CACNA2D3: variants seen among roughly 807,000 people sequenced by gnomAD.
The protein encoded by CACNA2D3 is calcium voltage-gated channel auxiliary subunit alpha2delta 3, also known as voltage-dependent calcium channel subunit alpha-2/delta-3.
CACNA2D3 carries 60 observed loss-of-function variants against 160.6 expected under a neutral mutation model. That is an observed-to-expected ratio of 0.37 (90% confidence interval 0.30 to 0.46). CACNA2D3 has a LOEUF of 0.46. CACNA2D3 is among the 20% of genes least tolerant of loss of function. The pLI is 1.00. For missense variants in CACNA2D3, 1,205 were observed against 1,365.0 expected (o/e 0.88, Z 1.85); for synonymous variants, 558 against 492.9 (o/e 1.13, Z -1.75).
intron 11 of CACNA2D3, among the ~76,000 whole-genome samples, chr3:54,743,811 A>T (rs1236980438): frequency 6.6e-6 from 1 of 152,168 alleles, no homozygotes; most frequent in Non-Finnish European, 1.5e-5. Context: ...TGAGCCATAA[A>T]AATCCTAGGC....
chr3:54,627,835 T>C lies in CACNA2D3; in HGVS notation c.1012T>C (p.Leu338=), dbSNP rs1699156340. 1 of 1,610,374 alleles carries C rather than the reference T, an allele frequency of 6.2e-7. No individual in the cohort carries two copies. The highest frequency in any genetic ancestry group is 1.1e-5 in the South Asian group (1 of 89,772). ...ACTTTTCGCCAAAGGAATTGGAATG[T>C]TGGATATAGCTCTGAATGAGGCCTT... ...DKLFAKGIGM[L]DIALNEAFNI... is the part of the protein sequence containing the mutation. The change falls in exon 10 of 38, where the codon TTG becomes CTG. Residue 338 remains leucine (L), a synonymous_variant. Coordinates refer to ENST00000474759, the MANE Select transcript of CACNA2D3 (RefSeq NM_018398.3).
intron 4 of CACNA2D3, among the ~76,000 whole-genome samples, chr3:54,490,062 A>C (rs1040022435): frequency 3.3e-5 from 5 of 152,234 alleles, no homozygotes; most frequent in African/African-American, 9.6e-5. Flanking sequence ...TGTTTGGCTC[A>C]TGTAGAACTA....
intron 3 of CACNA2D3, among the ~76,000 whole-genome samples, chr3:54,346,047 TG>T (rs1428258582): frequency 8.6e-6 from 1 of 116,164 alleles, no homozygotes; most frequent in East Asian, 2.6e-4. Flanking sequence ...GGAGGAGGGT[TG>T]AAAAACAAAG....
intron 9 of CACNA2D3, among the ~76,000 whole-genome samples, chr3:54,603,169 G>C (rs574269542): frequency 2.4e-4 from 37 of 152,322 alleles, no homozygotes; most frequent in South Asian, 1.7e-3. Flanking sequence ...CAATTAGGAA[G>C]CTGGACTCAG....
intron 35 of CACNA2D3, among the ~76,000 whole-genome samples, chr3:55,056,452 G>A (rs781026429): frequency 1.3e-5 from 2 of 152,200 alleles, no homozygotes; most frequent in African/African-American, 2.4e-5. Context: ...TCCTACTTCC[G>A]GGTATTTACC....
intron 5 of CACNA2D3, among the ~76,000 whole-genome samples, chr3:54,535,784 C>T (rs1173813566): frequency 6.6e-6 from 1 of 152,172 alleles, no homozygotes; most frequent in African/African-American, 2.4e-5. Context: ...GACATATTGT[C>T]CAACTAAAAG....
chr3:54,332,841 G>A (rs1704294955), intron 3 of CACNA2D3, among the ~76,000 whole-genome samples: 1 of 152,108 alleles, frequency 6.6e-6, no homozygotes, highest in Non-Finnish European at 1.5e-5. Context: ...ATCAGCCTGG[G>A]GTCTTTGGGT....
intron 10 of CACNA2D3, among the ~76,000 whole-genome samples, chr3:54,640,685 A>G (rs1699498859): frequency 6.6e-6 from 1 of 152,214 alleles, no homozygotes; most frequent in Non-Finnish European, 1.5e-5. Context: ...CCAACAATAT[A>G]AATTTGAAAT....
At chr3:54,256,202 T>C (rs969825977) in intron 2 of CACNA2D3, among the ~76,000 whole-genome samples, 1 of 152,146 alleles carries the variant, frequency 6.6e-6, no homozygotes, top group African/African-American at 2.4e-5. Flanking sequence ...TGTGGTGTGG[T>C]CAAAAGTGCT....
intron 2 of CACNA2D3, among the ~76,000 whole-genome samples, chr3:54,165,974 C>T (rs1032040435): frequency 6.6e-6 from 1 of 152,074 alleles, no homozygotes; most frequent in Non-Finnish European, 1.5e-5. Flanking sequence ...GTGTGCCATC[C>T]AGAGAAAGGA....
At chr3:54,448,826 A>T (rs1007824536) in intron 4 of CACNA2D3, among the ~76,000 whole-genome samples, 1 of 152,172 alleles carries the variant, frequency 6.6e-6, no homozygotes, top group African/African-American at 2.4e-5. Flanking sequence ...TCTTATTTTC[A>T]CAACTGCAAG....
At chr3:55,055,674 T>G (rs1416329251) in intron 35 of CACNA2D3, among the ~76,000 whole-genome samples, 1 of 152,152 alleles carries the variant, frequency 6.6e-6, no homozygotes, top group East Asian at 1.9e-4. Flanking sequence ...TTTTCCAATC[T>G]ACAAAAACAG....
intron 4 of CACNA2D3, among the ~76,000 whole-genome samples, chr3:54,407,236 AG>A (rs1249730510): frequency 6.6e-6 from 1 of 152,186 alleles, no homozygotes; most frequent in Non-Finnish European, 1.5e-5. Flanking sequence ...GCCCAGAATC[AG>A]AATTGGTGTT....
At chr3:54,745,824 T>G (rs1363432545) in intron 11 of CACNA2D3, among the ~76,000 whole-genome samples, 1 of 152,194 alleles carries the variant, frequency 6.6e-6, no homozygotes, top group African/African-American at 2.4e-5. Flanking sequence ...TGGAATTTTT[T>G]TTTCAATACC....
intron 27 of CACNA2D3, among the ~76,000 whole-genome samples, chr3:54,953,450 G>A (rs1701806941): frequency 6.6e-6 from 1 of 152,138 alleles, no homozygotes; most frequent in East Asian, 1.9e-4. Flanking sequence ...AGTACAGATA[G>A]CACTGGGCCA....
intron 27 of CACNA2D3, among the ~76,000 whole-genome samples, chr3:54,913,232 G>A (rs1419852771): frequency 6.6e-6 from 1 of 152,118 alleles, no homozygotes; most frequent in Non-Finnish European, 1.5e-5. Flanking sequence ...ATAGGCATGT[G>A]CCACCACATC....
chr3:54,469,380 A>G (rs2106869189), intron 4 of CACNA2D3, among the ~76,000 whole-genome samples: 1 of 152,314 alleles, frequency 6.6e-6, no homozygotes, highest in Non-Finnish European at 1.5e-5. Context: ...TAGCATCAAT[A>G]TCAACAAAAA....
At chr3:54,494,151 A>G (rs1701160619) in intron 4 of CACNA2D3, among the ~76,000 whole-genome samples, 1 of 152,220 alleles carries the variant, frequency 6.6e-6, no homozygotes, top group Non-Finnish European at 1.5e-5. Context: ...CTCGGATGAC[A>G]TGGGGAACAA....
intron 5 of CACNA2D3, among the ~76,000 whole-genome samples, chr3:54,559,143 A>G (rs1257025533): frequency 6.6e-6 from 1 of 152,158 alleles, no homozygotes; most frequent in Non-Finnish European, 1.5e-5. Context: ...TTAATGTGGC[A>G]TCATTTTGAA....
Sources: allele counts gnomAD v4.1 joint callset (sites outside exome capture counted in the v4.1 genomes callset), GRCh38; gene constraint gnomAD v4.1.1; transcripts MANE v1.5; gene names NCBI Gene and HGNC (gene_info 2026-07-23, HGNC 2026-07-21).